PVT1: variants seen among roughly 807,000 people sequenced by gnomAD.
The protein encoded by PVT1 is CXCR4/PVT1 fusion.
rs79512676 is a variant in PVT1 at position 127,854,604 on chromosome 8, C to T, written n.373-35985C>T. ...CAGAGATACATTCCTCAATCTCGGT[C>T]CGCCTTACAGGATCCAGCATCGAAG... is the stretch of plus-strand genomic sequence containing the variant. On this transcript the variant is annotated intron_variant and non_coding_transcript_variant, in intron 2 of 10. Transcript: ENST00000651587. The T allele has an allele frequency of 7.0e-3, 1,073 of 152,336 alleles. 11 individuals are homozygous for T. Among genetic ancestry groups the T allele is most frequent in the African/African-American group, 0.024 (1,011 of 41,556 alleles). 9.4% of individuals were successfully genotyped at this position (152,336 alleles called of 1,614,324 possible).
At chr8:127,902,756 G>T (rs1482583459) in intron 3 of PVT1, among the ~76,000 whole-genome samples, 1 of 152,190 alleles carries the variant, frequency 6.6e-6, no homozygotes, top group East Asian at 1.9e-4. Flanking sequence ...TTGCTGCAGA[G>T]AGCGTGATTC....
chr8:128,010,540 G>A (rs924324016), intron 4 of PVT1: 1 of 152,090 alleles, frequency 6.6e-6, no homozygotes, highest in Non-Finnish European at 1.5e-5. Context: ...AGGACCATCT[G>A]TGGCTTTCTA....
At chr8:127,944,481 G>A (rs773323857) in intron 3 of PVT1, among the ~76,000 whole-genome samples, 1 of 152,004 alleles carries the variant, frequency 6.6e-6, no homozygotes, top group Non-Finnish European at 1.5e-5. Context: ...TGACCTCACC[G>A]GGCTGTTGTG....
intron 3 of PVT1, among the ~76,000 whole-genome samples, chr8:127,911,180 G>C (rs1450988154): frequency 6.6e-6 from 1 of 152,198 alleles, no homozygotes; most frequent in Admixed American, 6.5e-5. Context: ...TCCCAGAATA[G>C]TGACCTCCTC....
At chr8:127,804,538 A>ATTTTTTTTTTTTTTTTTTTTTTTTTTGT (rs35404021) in intron 2 of PVT1, among the ~76,000 whole-genome samples, 1 of 112,710 alleles carries the variant, frequency 8.9e-6, no homozygotes, top group Non-Finnish European at 1.8e-5. Context: ...TTGCATCCTG[A>ATTTTTTTTTTTTTTTTTTTTTTTTTTGT]TTTTTTTTTT....
At chr8:128,003,646 T>G (rs1172709919) in intron 4 of PVT1, among the ~76,000 whole-genome samples, 1 of 152,258 alleles carries the variant, frequency 6.6e-6, no homozygotes, top group Non-Finnish European at 1.5e-5. Context: ...TGATTTCTTT[T>G]TTATAAAATG....
At chr8:127,859,071 G>A (rs917164889) in intron 2 of PVT1, among the ~76,000 whole-genome samples, 3 of 151,996 alleles carry the variant, frequency 2.0e-5, no homozygotes, top group Non-Finnish European at 2.9e-5. Context: ...GCTTCCCAAA[G>A]TGCTGGGATT....
chr8:127,892,818 G>A (rs1481010988), intron 3 of PVT1, among the ~76,000 whole-genome samples: 4 of 152,106 alleles, frequency 2.6e-5, no homozygotes, highest in Non-Finnish European at 5.9e-5. Flanking sequence ...TGAGCAAAGA[G>A]GTTCTGGGAT....
intron 2 of PVT1, among the ~76,000 whole-genome samples, chr8:127,849,752 G>T (rs6470585): frequency 0.017 from 1,919 of 115,860 alleles, 19 homozygotes; most frequent in East Asian, 0.085. Context: ...ATATGTGTGT[G>T]TGTGCCCCTG....
intron 5 of PVT1, among the ~76,000 whole-genome samples, chr8:128,092,616 TA>T (rs1183118352): frequency 6.6e-6 from 1 of 152,100 alleles, no homozygotes; most frequent in Non-Finnish European, 1.5e-5. Context: ...GTGGGCAAGA[TA>T]ATTGAGCCCA....
chr8:127,948,067 G>A (rs1436296793), intron 3 of PVT1: 2 of 380,654 alleles, frequency 5.3e-6, no homozygotes, highest in Admixed American at 6.8e-5. Flanking sequence ...AGAGAAGTAA[G>A]TTTTAGCTTT....
intron 2 of PVT1, among the ~76,000 whole-genome samples, chr8:127,836,581 A>G (rs1179611424): frequency 6.6e-6 from 1 of 152,206 alleles, no homozygotes; most frequent in African/African-American, 2.4e-5. Flanking sequence ...GGAGCTGGCC[A>G]GAACTGGGCA....
At chr8:127,893,499 G>T (rs746376364) in intron 3 of PVT1, among the ~76,000 whole-genome samples, 1 of 152,042 alleles carries the variant, frequency 6.6e-6, no homozygotes, top group African/African-American at 2.4e-5. Context: ...TGCCTGCCTC[G>T]GCCTCCTAAA....
intron 3 of PVT1, among the ~76,000 whole-genome samples, chr8:127,951,029 C>A (rs11784524): frequency 6.6e-6 from 1 of 152,184 alleles, no homozygotes; most frequent in Non-Finnish European, 1.5e-5. Flanking sequence ...TCCCAAGTAG[C>A]TGAGATTACA....
chr8:127,958,918 A>G (rs1412433945), intron 3 of PVT1, among the ~76,000 whole-genome samples: 1 of 152,106 alleles, frequency 6.6e-6, no homozygotes, highest in Non-Finnish European at 1.5e-5. Flanking sequence ...TGTGAAGTGG[A>G]TACTATCGAA....
rs1815777375 is a variant in PVT1, at chr8:127,902,974, AT to A, written n.782+11977del. Reference sequence around the variant, plus strand: ...CCCAGGTATGAGATTGGTGGGTTAAATGGTAGTTCAACTTGGAGTTTTCTGA... The same window carrying A: ...CCCAGGTATGAGATTGGTGGGTTAAAGGTAGTTCAACTTGGAGTTTTCTGA... On this transcript the variant is annotated intron_variant and non_coding_transcript_variant, in intron 3 of 10. Transcript: ENST00000651587. Among the ~76,000 whole-genome samples, 3 of 152,254 alleles carry A rather than the reference AT, an allele frequency of 2.0e-5. No homozygotes were observed. The South Asian group carries it at 6.2e-4, about 32-fold the overall frequency.
intron 3 of PVT1, among the ~76,000 whole-genome samples, chr8:127,971,588 G>A (rs1182377304): frequency 6.6e-6 from 1 of 152,172 alleles, no homozygotes; most frequent in African/African-American, 2.4e-5. Flanking sequence ...TCAAGCCAGG[G>A]CACTGCAGTG....
intron 2 of PVT1, among the ~76,000 whole-genome samples, chr8:127,836,805 T>G (rs1247206293): frequency 6.6e-6 from 1 of 152,098 alleles, no homozygotes; most frequent in Admixed American, 6.5e-5. Context: ...AAGCCTAGAT[T>G]CATACCTGGG....
At chr8:127,962,940 A>G (rs1211964129) in intron 3 of PVT1, among the ~76,000 whole-genome samples, 10 of 152,052 alleles carry the variant, frequency 6.6e-5, no homozygotes, top group Non-Finnish European at 1.2e-4. Context: ...AGCAGTCCCT[A>G]TTTTACTTGC....
Sources: gnomAD v4.1 joint callset for allele counts (sites outside exome capture counted in the v4.1 genomes callset) on GRCh38, gnomAD v4.1.1 for gene constraint, MANE v1.5 for transcripts, NCBI Gene and HGNC (gene_info 2026-07-23, HGNC 2026-07-21) for gene names.